CNTN5: variants seen among roughly 807,000 people sequenced by gnomAD.
CNTN5 encodes contactin-5.
CNTN5 carries 77 observed loss-of-function variants against 129.1 expected under a neutral mutation model. The observed-to-expected ratio is 0.60, with a 90% CI of 0.50 to 0.72. CNTN5 has a LOEUF of 0.72. CNTN5 is among the 30% of genes least tolerant of loss of function. The pLI, the probability that CNTN5 is intolerant of heterozygous loss-of-function variation, is 0.00. For synonymous variants in CNTN5, 509 were observed against 465.6 expected, an observed-to-expected ratio of 1.09 and a Z score of -1.20; for missense variants, 1,478 against 1,328.8, an observed-to-expected ratio of 1.11 and a Z score of -1.75.
intron 2 of CNTN5, among the ~76,000 whole-genome samples, chr11:99,463,255 G>T (rs1038097261): frequency 3.3e-5 from 5 of 150,614 alleles, no homozygotes; most frequent in Admixed American, 6.6e-5. Flanking sequence ...TGGCTAACAC[G>T]GTGAAACCCC....
At chr11:100,017,610 T>A (rs1300765203) in intron 9 of CNTN5, among the ~76,000 whole-genome samples, 1 of 152,026 alleles carries the variant, frequency 6.6e-6, no homozygotes, top group Non-Finnish European at 1.5e-5. Flanking sequence ...CCTCCATCTA[T>A]GTGCAGTTTA....
intron 3 of CNTN5, among the ~76,000 whole-genome samples, chr11:99,744,720 A>AG (rs1230365635): frequency 4.8e-4 from 46 of 95,812 alleles, no homozygotes; most frequent in African/African-American, 1.7e-3. Flanking sequence ...ACCCTGTCTC[A>AG]GAAAAAAAAA....
intron 3 of CNTN5, among the ~76,000 whole-genome samples, chr11:99,776,020 A>G (rs1202188036): frequency 1.3e-5 from 2 of 151,980 alleles, no homozygotes; most frequent in Non-Finnish European, 2.9e-5. Context: ...TTATATTTGT[A>G]TTGCTAATTT....
chr11:99,425,699 TGAGCCTCTGAGAATG>T (rs1396841548), intron 2 of CNTN5, among the ~76,000 whole-genome samples: 4 of 152,250 alleles, frequency 2.6e-5, no homozygotes, highest in Non-Finnish European at 4.4e-5. Flanking sequence ...GGTTGCTTCC[TGAGCCTCTGAGAATG>T]CAGGGATGCC....
At chr11:100,270,423 T>C (rs1950388069) in intron 17 of CNTN5, among the ~76,000 whole-genome samples, 1 of 152,202 alleles carries the variant, frequency 6.6e-6, no homozygotes, top group Non-Finnish European at 1.5e-5. Flanking sequence ...TTCACTCCTG[T>C]AACAAATGTT....
At chr11:99,460,688 T>C (rs902437813) in intron 2 of CNTN5, among the ~76,000 whole-genome samples, 1 of 151,946 alleles carries the variant, frequency 6.6e-6, no homozygotes, top group Non-Finnish European at 1.5e-5. Flanking sequence ...TTTACGAATA[T>C]AAGAACCAGT....
At chr11:99,087,393 A>C (rs1866046693) in intron 1 of CNTN5, among the ~76,000 whole-genome samples, 1 of 152,164 alleles carries the variant, frequency 6.6e-6, no homozygotes, top group Non-Finnish European at 1.5e-5. Context: ...CCATTTATTT[A>C]CTCATAAAAT....
At chr11:99,556,292 T>C (rs1170331073) in intron 3 of CNTN5, 23 bp downstream of exon 3, 1 of 1,464,798 alleles carries the variant, frequency 6.8e-7, no homozygotes. Flanking sequence ...ATTAATTAAT[T>C]ATTTGATTTT....
intron 3 of CNTN5, among the ~76,000 whole-genome samples, chr11:99,578,109 G>C (rs560158706): frequency 6.6e-6 from 1 of 151,818 alleles, no homozygotes; most frequent in Non-Finnish European, 1.5e-5. Flanking sequence ...ATAGTTTGCT[G>C]AGAATGATGG....
intron 6 of CNTN5, among the ~76,000 whole-genome samples, chr11:99,885,286 T>C (rs1003908845): frequency 6.7e-6 from 1 of 148,962 alleles, no homozygotes; most frequent in African/African-American, 2.5e-5. Flanking sequence ...TGTCTCAAAA[T>C]AAAAAAAAGA....
chr11:99,819,503 T>C (rs1565567270), intron 3 of CNTN5, 41 bp from the exon 4 acceptor site: 1 of 1,526,128 alleles, frequency 6.6e-7, no homozygotes, highest in East Asian at 2.3e-5. Flanking sequence ...ATAAACTAGT[T>C]TCCTCAAAAT....
chr11:100,314,612 C>T (rs1219111769), intron 21 of CNTN5, among the ~76,000 whole-genome samples: 2 of 152,098 alleles, frequency 1.3e-5, no homozygotes, highest in Non-Finnish European at 2.9e-5. Flanking sequence ...TTGTGATTCA[C>T]TTGTCTCTGA....
At chr11:99,777,379 A>C (rs1945160643) in intron 3 of CNTN5, among the ~76,000 whole-genome samples, 1 of 151,884 alleles carries the variant, frequency 6.6e-6, no homozygotes, top group African/African-American at 2.4e-5. Flanking sequence ...ATTTAGTTAT[A>C]AAAGTTAATT....
chr11:99,261,450 T>C (rs1862623402), intron 1 of CNTN5, among the ~76,000 whole-genome samples: 1 of 152,048 alleles, frequency 6.6e-6, no homozygotes, highest in Admixed American at 6.6e-5. Flanking sequence ...GCAGGTTTAT[T>C]CTGAATGTGT....
chr11:99,696,141 A>G (rs779161199), intron 3 of CNTN5, among the ~76,000 whole-genome samples: 9 of 152,094 alleles, frequency 5.9e-5, no homozygotes, highest in Non-Finnish European at 1.2e-4. Flanking sequence ...CCTGAATCCA[A>G]TATTTTCTTT....
intron 9 of CNTN5, among the ~76,000 whole-genome samples, chr11:100,049,189 A>C (rs2137727125): frequency 6.6e-6 from 1 of 152,242 alleles, no homozygotes; most frequent in South Asian, 2.1e-4. Flanking sequence ...TAATTTCTAA[A>C]ATTTTCTATT....
intron 6 of CNTN5, among the ~76,000 whole-genome samples, chr11:99,900,041 CTG>C (rs1491132917): frequency 6.6e-6 from 1 of 150,732 alleles, no homozygotes; most frequent in Non-Finnish European, 1.5e-5. Context: ...ATACTAGTCT[CTG>C]TATCGGTTGT....
At chr11:100,096,320 C>T (rs946666595) in intron 13 of CNTN5, among the ~76,000 whole-genome samples, 6 of 151,912 alleles carry the variant, frequency 3.9e-5, no homozygotes, top group South Asian at 4.1e-4. Context: ...ATTGGTTTTG[C>T]GAGAATTAAA....
chr11:99,111,600 T>C (rs1195259191), intron 1 of CNTN5, among the ~76,000 whole-genome samples: 1 of 151,952 alleles, frequency 6.6e-6, no homozygotes, highest in East Asian at 1.9e-4. Flanking sequence ...GATCTTCTTA[T>C]TAGAAATCTA....
Sources: gnomAD v4.1 joint callset for allele counts (sites outside exome capture counted in the v4.1 genomes callset) on GRCh38, gnomAD v4.1.1 for gene constraint, MANE v1.5 for transcripts, NCBI Gene and HGNC (gene_info 2026-07-23, HGNC 2026-07-21) for gene names.